The following GNG7 variants were observed in gnomAD, a reference collection of about 807,000 sequenced individuals.
GNG7 encodes guanine nucleotide-binding protein G(I)/G(S)/G(O) subunit gamma-7.
GNG7 carries 1 observed loss-of-function variant against 4.0 expected under a neutral mutation model. That is an observed-to-expected ratio of 0.25 (90% CI 0.09 to 1.18). The LOEUF (loss-of-function observed/expected upper bound fraction) is 1.18, where lower values mean the gene tolerates loss of function less well. GNG7 is among the 50% of genes most tolerant of loss of function. The probability of loss-of-function intolerance (pLI) is 0.50; values close to 1 mark genes in which losing one functional copy is unlikely to be tolerated. For synonymous variants in GNG7, 34 were observed against 36.9 expected, an observed-to-expected ratio of 0.92 and a Z score of 0.29; for missense variants, 86 against 91.9, an observed-to-expected ratio of 0.94 and a Z score of 0.26.
chr19:2,520,306 G>C (rs779324788), intron 4 of GNG7, among the ~76,000 whole-genome samples: 1 of 152,242 alleles, frequency 6.6e-6, no homozygotes, highest in African/African-American at 2.4e-5. Context: ...CAAGGAGCTG[G>C]ACAGATCAAT....
At chr19:2,548,746 G>T (rs1272155257) in intron 3 of GNG7, among the ~76,000 whole-genome samples, 1 of 151,842 alleles carries the variant, frequency 6.6e-6, no homozygotes, top group Non-Finnish European at 1.5e-5. Flanking sequence ...CCAAGATCGT[G>T]CCACTACACT....
chr19:2,572,518 G>A (rs1980179215), intron 2 of GNG7, among the ~76,000 whole-genome samples: 1 of 151,622 alleles, frequency 6.6e-6, no homozygotes, highest in Non-Finnish European at 1.5e-5. Flanking sequence ...TGCAACCTCT[G>A]CCTCCCCGGT....
intron 1 of GNG7, among the ~76,000 whole-genome samples, chr19:2,697,823 T>G (rs1164456485): frequency 6.7e-6 from 1 of 149,140 alleles, no homozygotes; most frequent in Non-Finnish European, 1.5e-5. Context: ...AATACAAAAA[T>G]TAGCCGGGCG....
At chr19:2,538,333 C>T (rs1285701390) in intron 3 of GNG7, 1 of 453,982 alleles carries the variant, frequency 2.2e-6, no homozygotes, top group South Asian at 1.6e-5. Context: ...AAGCATGCGT[C>T]AGGCCATCAG....
intron 2 of GNG7, among the ~76,000 whole-genome samples, chr19:2,629,217 G>A (rs1334692077): frequency 1.3e-5 from 2 of 152,192 alleles, no homozygotes; most frequent in Non-Finnish European, 2.9e-5. Context: ...TCTGAAGGTT[G>A]AGCAAATGGA....
intron 1 of GNG7, among the ~76,000 whole-genome samples, chr19:2,670,203 T>C (rs549667419): frequency 6.6e-6 from 1 of 151,130 alleles, no homozygotes; most frequent in Non-Finnish European, 1.5e-5. Context: ...CCTCAGGGGG[T>C]GAAATAAGCT....
At chr19:2,517,503 T>A (rs982820262) in intron 4 of GNG7, among the ~76,000 whole-genome samples, 2 of 152,102 alleles carry the variant, frequency 1.3e-5, no homozygotes, top group Non-Finnish European at 2.9e-5. Context: ...TGGCTGGGAC[T>A]CCAGGCGCAC....
At chr19:2,567,971 A>G (rs1568246522) in intron 2 of GNG7, among the ~76,000 whole-genome samples, 1 of 152,166 alleles carries the variant, frequency 6.6e-6, no homozygotes, top group Non-Finnish European at 1.5e-5. Context: ...GCCTTCCTGG[A>G]AAATGCATCT....
chr19:2,642,388 C>G (rs1160100203), intron 2 of GNG7: 5 of 241,710 alleles, frequency 2.1e-5, no homozygotes, highest in Non-Finnish European at 4.1e-5. Flanking sequence ...GTTTTTTAGA[C>G]AGGGTCTGGC....
chr19:2,610,770 C>T (rs1287518245), intron 2 of GNG7: 1 of 151,916 alleles, frequency 6.6e-6, no homozygotes, highest in East Asian at 1.9e-4. Flanking sequence ...CACAAGAGAC[C>T]CTCTTTTATT....
At chr19:2,662,927 C>T (rs1170188928) in intron 1 of GNG7, among the ~76,000 whole-genome samples, 1 of 152,100 alleles carries the variant, frequency 6.6e-6, no homozygotes. Flanking sequence ...TATCATCATA[C>T]AAAAAGACAT....
chr19:2,536,332 T>C (rs952758180), intron 3 of GNG7, among the ~76,000 whole-genome samples: 7 of 151,484 alleles, frequency 4.6e-5, no homozygotes, highest in Non-Finnish European at 8.8e-5. Context: ...GCAGGAGAAT[T>C]GCTTGAACCT....
In GNG7 at chr19:2,511,779, G is replaced by C; in HGVS notation, c.*3243C>G. On this transcript the variant is annotated 3_prime_UTR_variant, in exon 5 of 5. Transcript: ENST00000382159. The surrounding 1 kb of genome is among the most constrained non-coding windows in gnomAD (Gnocchi z 6.3). ...GAGCACCTTCCGCCCTGGCCCAGCC[G>C]CCCCGTTTATGTCCCCAGAGGCCAG... The C allele has an allele frequency of 1.0e-6, 1 of 984,554 alleles. No homozygotes were observed. The highest frequency in any genetic ancestry group is 1.2e-6 in the Non-Finnish European group (1 of 828,734). 61.0% of individuals were successfully genotyped at this position (984,554 alleles called of 1,614,324 possible).
At chr19:2,581,574 G>A (rs1339042260) in intron 2 of GNG7, among the ~76,000 whole-genome samples, 1 of 152,116 alleles carries the variant, frequency 6.6e-6, no homozygotes, top group Non-Finnish European at 1.5e-5. Flanking sequence ...CAAGCTCCTG[G>A]CTGCACTCCC....
chr19:2,665,810 C>T (rs985456646), intron 1 of GNG7, among the ~76,000 whole-genome samples: 1 of 152,194 alleles, frequency 6.6e-6, no homozygotes, highest in Non-Finnish European at 1.5e-5. Context: ...TGGGTCATGG[C>T]ACATACTGGC....
intron 2 of GNG7, among the ~76,000 whole-genome samples, chr19:2,556,799 C>G (rs1979558369): frequency 6.6e-6 from 1 of 152,188 alleles, no homozygotes. Flanking sequence ...CCGGATTGTT[C>G]TCCGGGGCGG....
chr19:2,645,187 C>A (rs1363408162), intron 2 of GNG7, among the ~76,000 whole-genome samples: 1 of 151,834 alleles, frequency 6.6e-6, no homozygotes, highest in African/African-American at 2.4e-5. Context: ...GGCAACAAAG[C>A]AAACCCTAAC....
Position 2,512,516 on chromosome 19 carries a change from T to C in GNG7, c.*2506A>G. On this transcript the variant is annotated 3_prime_UTR_variant, in exon 5 of 5. Transcript: ENST00000382159. The surrounding 1 kb of genome is among the most constrained non-coding windows in gnomAD (Gnocchi z 4.7). ...AGTGAAGGAGAGGCCAGCCTGTCCT[T>C]CCCCTCCCCGAGCCTCAGTTTACCT... The C allele has an allele frequency of 3.5e-6, 1 of 282,254 alleles. No homozygotes were observed. Among genetic ancestry groups the C allele is most frequent in the Non-Finnish European group, 5.3e-6 (1 of 187,352 alleles). 17.5% of individuals were successfully genotyped at this position (282,254 alleles called of 1,614,324 possible). A position where few individuals can be genotyped will look rare whatever the true frequency, so the allele number is the denominator to read the frequency against.
chr19:2,644,529 T>A (rs1456086271), intron 2 of GNG7, among the ~76,000 whole-genome samples: 4 of 151,742 alleles, frequency 2.6e-5, no homozygotes, highest in Non-Finnish European at 1.5e-5. Flanking sequence ...AACGCACAAT[T>A]CAATGGCATT....
Sources: gnomAD v4.1 joint callset for allele counts (sites outside exome capture counted in the v4.1 genomes callset) on GRCh38, gnomAD v4.1.1 for gene constraint, Gnocchi (gnomAD v3.1) non-coding constraint, MANE v1.5 for transcripts, NCBI Gene and HGNC (gene_info 2026-07-23, HGNC 2026-07-21) for gene names.